Variants in SCHIP1 observed in about 807,000 individuals in gnomAD.
SCHIP1 encodes schwannomin interacting protein 1, also known as schwannomin-interacting protein 1.
SCHIP1 carries 8 observed loss-of-function variants against 29.7 expected under a neutral mutation model. That is an observed-to-expected ratio of 0.27 (90% confidence interval 0.16 to 0.49). The LOEUF is 0.49. Ranked by LOEUF, SCHIP1 falls within the 20% of genes least tolerant of loss-of-function variation. The pLI is 0.99. For synonymous variants in SCHIP1, 76 were observed against 94.9 expected (o/e 0.80, Z 1.16); for missense variants, 193 against 294.6 (o/e 0.66, Z 2.52).
At chr3:159,866,194 A>G in exon 2 of SCHIP1, 1 of 1,613,696 alleles carries the variant, frequency 6.2e-7, no homozygotes, top group South Asian at 1.1e-5. Context: ...TCTATCAGAC[A>G]GAAGTTGGCA....
At chr3:159,434,114 ATGTT>A in the SCHIP1 span, among the ~76,000 whole-genome samples, 1 of 152,210 alleles carries the variant, frequency 6.6e-6, no homozygotes, top group Non-Finnish European at 1.5e-5. Flanking sequence ...TTCACAATAA[ATGTT>A]TGTGGATATA....
the SCHIP1 span, chr3:159,765,079 C>T: frequency 6.4e-7 from 1 of 1,570,078 alleles, no homozygotes; most frequent in South Asian, 1.2e-5. Context: ...TCTGGCCGGG[C>T]TGCAGTTCCG....
the SCHIP1 span, among the ~76,000 whole-genome samples, chr3:159,624,477 C>T: frequency 6.6e-6 from 1 of 152,084 alleles, no homozygotes; most frequent in Non-Finnish European, 1.5e-5. Context: ...ACAGACAAAT[C>T]CTAGAGGTGG....
At chr3:159,722,838 C>G in the SCHIP1 span, among the ~76,000 whole-genome samples, 1 of 152,188 alleles carries the variant, frequency 6.6e-6, no homozygotes, top group Non-Finnish European at 1.5e-5. Context: ...CCCTCTGTTT[C>G]TGAGTCCAAT....
At chr3:159,829,550 C>T in the SCHIP1 span, among the ~76,000 whole-genome samples, 2 of 152,150 alleles carry the variant, frequency 1.3e-5, no homozygotes, top group Admixed American at 6.5e-5. Context: ...ATTTAATTCC[C>T]TCATAATCTG....
chr3:159,386,192 A>G, the SCHIP1 span, among the ~76,000 whole-genome samples: 13 of 152,280 alleles, frequency 8.5e-5, no homozygotes, highest in East Asian at 2.3e-3. Flanking sequence ...ATGATTTATA[A>G]TCCCTTGGGT....
chr3:159,547,382 A>T, the SCHIP1 span, among the ~76,000 whole-genome samples: 1 of 152,026 alleles, frequency 6.6e-6, no homozygotes, highest in Non-Finnish European at 1.5e-5. Context: ...CACTCTGATG[A>T]TAGTTTCTTT....
chr3:159,433,250 C>A, the SCHIP1 span, among the ~76,000 whole-genome samples: 1 of 152,138 alleles, frequency 6.6e-6, no homozygotes, highest in African/African-American at 2.4e-5. Flanking sequence ...TAGTGGGAAG[C>A]GTCTTTAAAC....
chr3:159,481,469 C>T, the SCHIP1 span, among the ~76,000 whole-genome samples: 1 of 152,102 alleles, frequency 6.6e-6, no homozygotes, highest in Non-Finnish European at 1.5e-5. Context: ...TTCAGATATA[C>T]AGCAAATAAA....
the SCHIP1 span, among the ~76,000 whole-genome samples, chr3:159,680,553 A>C: frequency 1.7e-5 from 2 of 117,048 alleles, no homozygotes; most frequent in African/African-American, 6.6e-5. Context: ...TATATATATA[A>C]TATATATAAT....
the SCHIP1 span, among the ~76,000 whole-genome samples, chr3:159,312,895 TAATC>T: frequency 1.3e-5 from 2 of 152,232 alleles, no homozygotes; most frequent in African/African-American, 4.8e-5. Flanking sequence ...GAAAAACAGA[TAATC>T]AATAGTCAGC....
At chr3:159,759,416 G>A in the SCHIP1 span, among the ~76,000 whole-genome samples, 4 of 152,150 alleles carry the variant, frequency 2.6e-5, no homozygotes, top group Admixed American at 2.0e-4. Flanking sequence ...GAAAAGATTC[G>A]GAGACATTTT....
chr3:159,438,157 A>G, the SCHIP1 span, among the ~76,000 whole-genome samples: 1 of 152,122 alleles, frequency 6.6e-6, no homozygotes, highest in African/African-American at 2.4e-5. Flanking sequence ...GTTTGACACA[A>G]CCTTCCACAG....
the SCHIP1 span, among the ~76,000 whole-genome samples, chr3:159,667,203 T>TA: frequency 6.6e-6 from 1 of 152,148 alleles, no homozygotes; most frequent in Non-Finnish European, 1.5e-5. Context: ...AAGAATCATT[T>TA]AAAATCAAAG....
the SCHIP1 span, among the ~76,000 whole-genome samples, chr3:159,452,961 G>A: frequency 6.6e-6 from 1 of 152,192 alleles, no homozygotes; most frequent in Non-Finnish European, 1.5e-5. Flanking sequence ...AACCAAATTT[G>A]TCTTTGACTT....
chr3:159,399,283 A>G, the SCHIP1 span, among the ~76,000 whole-genome samples: 1 of 152,142 alleles, frequency 6.6e-6, no homozygotes, highest in Non-Finnish European at 1.5e-5. Flanking sequence ...GATCTTTTTT[A>G]GCTCTACTTA....
chr3:159,809,741 C>T, the SCHIP1 span, among the ~76,000 whole-genome samples: 1 of 151,882 alleles, frequency 6.6e-6, no homozygotes, highest in Non-Finnish European at 1.5e-5. Context: ...TGGCTCATGC[C>T]TGTAATCCTA....
the SCHIP1 span, among the ~76,000 whole-genome samples, chr3:159,457,275 G>A: frequency 1.3e-5 from 2 of 152,138 alleles, no homozygotes; most frequent in Admixed American, 1.3e-4. Context: ...ATGTAATTGT[G>A]AGTTGTGCTA....
At chr3:159,459,212 G>A in the SCHIP1 span, among the ~76,000 whole-genome samples, 3 of 152,004 alleles carry the variant, frequency 2.0e-5, no homozygotes, top group Non-Finnish European at 2.9e-5. Context: ...CTCATGCTCC[G>A]ACTGCTGCTA....
Sources: allele counts gnomAD v4.1 joint callset (sites outside exome capture counted in the v4.1 genomes callset), GRCh38; gene constraint gnomAD v4.1.1; transcripts MANE v1.5; gene names NCBI Gene and HGNC (gene_info 2026-07-23, HGNC 2026-07-21).